The following VWA5B1 variants were observed in gnomAD, a reference collection of about 807,000 sequenced individuals.
The protein encoded by VWA5B1 is von Willebrand factor A domain containing 5B1.
Under a neutral mutation model 118.2 loss-of-function variants are expected in VWA5B1, and 115 were observed. The ratio of observed to expected loss-of-function variants is 0.97; its 90% CI spans 0.84 to 1.14. The LOEUF (loss-of-function observed/expected upper bound fraction) is 1.14. Among genes scored for constraint, VWA5B1 ranks in the 50% most tolerant of loss-of-function variants. The pLI is 0.00. For missense variants in VWA5B1, 1,596 were observed against 1,603.8 expected (o/e 1.00, Z 0.08); for synonymous variants, 682 against 658.4 (o/e 1.04, Z -0.55).
At chr1:20,349,212 C>T (rs1464417345) in intron 18 of VWA5B1, 2 of 448,414 alleles carry the variant, frequency 4.5e-6, no homozygotes, top group Admixed American at 4.7e-5. Context: ...GTTCTCTCAA[C>T]TTCTTGGTCC....
At chr1:20,349,775 G>T (rs2090088024) in intron 18 of VWA5B1, among the ~76,000 whole-genome samples, 1 of 148,588 alleles carries the variant, frequency 6.7e-6, no homozygotes. Flanking sequence ...CGTAGTCCAG[G>T]GCTTTACTAA....
chr1:20,311,861 G>T (rs956289520), intron 2 of VWA5B1, among the ~76,000 whole-genome samples: 1 of 152,172 alleles, frequency 6.6e-6, no homozygotes, highest in Non-Finnish European at 1.5e-5. Context: ...AGGGCAAATG[G>T]CCCTGTTCCT....
At chr1:20,292,955 A>T (rs2100790653) in intron 1 of VWA5B1, among the ~76,000 whole-genome samples, 1 of 152,278 alleles carries the variant, frequency 6.6e-6, no homozygotes, top group East Asian at 1.9e-4. Flanking sequence ...AGCTTCAGGG[A>T]TTAGGAAACT....
chr1:20,314,813 T>A (rs1487895502), intron 4 of VWA5B1, among the ~76,000 whole-genome samples: 1 of 151,878 alleles, frequency 6.6e-6, no homozygotes, highest in Admixed American at 6.6e-5. Context: ...CCAGAAGTTA[T>A]GAAATTTGGA....
At chr1:20,337,123 CTTTTA>C (rs918877292) in intron 13 of VWA5B1, among the ~76,000 whole-genome samples, 1 of 151,744 alleles carries the variant, frequency 6.6e-6, no homozygotes, top group African/African-American at 2.4e-5. Context: ...CACTTTGTAC[CTTTTA>C]TTTTATTTTT....
rs139220086 is a variant in VWA5B1 at position 20,330,225 on chromosome 1, G to A, written c.1300G>A (p.Asp434Asn). The change falls in exon 10 of 22, where the codon GAC (aspartate) becomes AAC (asparagine). Residue 434 changes from aspartate (D) to asparagine (N), a missense_variant. Asp to Asn is a conservative substitution (Grantham distance 23, BLOSUM62 1). Transcript: ENST00000289815. ...TGATGACATCCAGAGAATGAAGGCC[G>A]ACATGGGTGGGACCAACATCCTTTC... ...ACDDIQRMKADMGGTNILSPL... is the reference protein window; with the variant it reads ...ACDDIQRMKANMGGTNILSPL... The A allele has an allele frequency of 1.0e-3, 1,614 of 1,551,722 alleles. 7 individuals carry two copies. The African/African-American group carries it at 0.014, about 14-fold the overall frequency.
chr1:20,341,347 G>A (rs2089869956), intron 14 of VWA5B1, among the ~76,000 whole-genome samples: 1 of 152,216 alleles, frequency 6.6e-6, no homozygotes, highest in Admixed American at 6.5e-5. Flanking sequence ...CCAGACCAAA[G>A]GGGCTTGCGC....
chr1:20,314,953 T>C (rs1175064182), intron 4 of VWA5B1, among the ~76,000 whole-genome samples: 1 of 152,168 alleles, frequency 6.6e-6, no homozygotes, highest in Non-Finnish European at 1.5e-5. Context: ...AACCAACATG[T>C]TTCCTGACAT....
At chr1:20,338,059 C>G (rs1570186933) in intron 14 of VWA5B1, 1 of 690,772 alleles carries the variant, frequency 1.4e-6, no homozygotes, top group Non-Finnish European at 2.6e-6. Flanking sequence ...TGCACACACA[C>G]TGCCCAGTTG....
Position 20,343,252 on chromosome 1 carries a change from T to C in VWA5B1, c.2485T>C (p.Phe829Leu), listed in dbSNP as rs1257215764. The change falls in exon 16 of 22, where the codon TTC becomes CTC. Residue 829 changes from phenylalanine to leucine, a missense_variant. Transcript: ENST00000289815. Reference sequence around the variant, plus strand: ...CCAACGCCTGCAGTGGGAGGTGAGCTTCGAGCTGGGGACCCCTGGACCGGA... The same window carrying C: ...CCAACGCCTGCAGTGGGAGGTGAGCCTCGAGCTGGGGACCCCTGGACCGGA... ...DSQRLQWEVS[F>L]ELGTPGPERG... 4 of 1,548,808 alleles carry C rather than the reference T, an allele frequency of 2.6e-6. No individual in the cohort carries two copies. In the South Asian group the frequency reaches 4.8e-5, roughly 18 times the overall value.
intron 13 of VWA5B1, among the ~76,000 whole-genome samples, chr1:20,337,184 G>A (rs1164268676): frequency 1.7e-4 from 26 of 152,128 alleles, no homozygotes; most frequent in Admixed American, 1.6e-3. Context: ...CTGGAGTGCA[G>A]TGGTACGATC....
chr1:20,343,534 C>G, intron 16 of VWA5B1, 141 bp downstream of exon 16: 1 of 1,368,188 alleles, frequency 7.3e-7, no homozygotes, highest in Non-Finnish European at 9.6e-7. Flanking sequence ...CGGGTCCTAC[C>G]CCACCCCCTC....
At position 20,357,002 on chromosome 1, in the gene VWA5B1, T is replaced by C. The variant is rs2090241669; in HGVS notation, c.*2739T>C. Among the ~76,000 whole-genome samples, 1 of 152,230 alleles carries C rather than the reference T, an allele frequency of 6.6e-6. No homozygotes were observed. Among genetic ancestry groups the C allele is most frequent in the Non-Finnish European group, 1.5e-5 (1 of 68,036 alleles). On this transcript the variant is annotated 3_prime_UTR_variant, in exon 22 of 22. Coordinates refer to ENST00000289815, the MANE Select transcript of VWA5B1 (RefSeq NM_001039500.3). ...TAAAGTTTCTCAAGCAGGGAACACA[T>C]TGCCCCTGCAATCTCATTTACTTTG... is the stretch of plus-strand genomic sequence containing the variant.
In VWA5B1 at chr1:20,343,187, C is replaced by T. The variant is rs974196560; in HGVS notation, c.2420C>T (p.Pro807Leu). 4 of 1,549,582 alleles carry T rather than the reference C, an allele frequency of 2.6e-6. No homozygotes were observed. In the African/African-American group the frequency reaches 4.1e-5, roughly 16 times the overall value. Residue 807 changes from proline (P) to leucine (L), a missense_variant, in exon 16 of 22, where the codon CCG becomes CTG. Pro to Leu is a moderately conservative substitution (Grantham distance 98). Transcript: ENST00000289815. Reference sequence around the variant, plus strand: ...CCCAGCAGGCCCGCCACCCCGGCCCCGGTGCTGGGCAAGGCCCTGGTCAAA... The same window carrying T: ...CCCAGCAGGCCCGCCACCCCGGCCCTGGTGCTGGGCAAGGCCCTGGTCAAA... ...ASPSRPATPA[P>L]VLGKALVKGL...
In VWA5B1 at chr1:20,359,134, T is replaced by C. The variant is rs946992167; in HGVS notation, c.*4871T>C. Among the ~76,000 whole-genome samples the C allele has an allele frequency of 2.6e-5, 4 of 152,226 alleles. No individual in the cohort carries two copies. Among genetic ancestry groups the C allele is most frequent in the Non-Finnish European group, 4.4e-5 (3 of 68,042 alleles). ...ACGTCCCAACGCAATGCGCCTCATC[T>C]CAATGCCGCTGACTGTGGTGACACA... On this transcript the variant is annotated 3_prime_UTR_variant, in exon 22 of 22. Transcript: ENST00000289815.
intron 5 of VWA5B1, 74 bp downstream of exon 5, chr1:20,317,749 GGTGGGA>G: frequency 2.3e-6 from 3 of 1,288,626 alleles, no homozygotes; most frequent in Non-Finnish European, 3.2e-6. Context: ...ATGGGACGGG[GGTGGGA>G]AGGAAAGCCA....
At chr1:20,293,239 T>C (rs1421636870) in intron 1 of VWA5B1, among the ~76,000 whole-genome samples, 1 of 152,184 alleles carries the variant, frequency 6.6e-6, no homozygotes, top group African/African-American at 2.4e-5. Flanking sequence ...GTGCTTCCTC[T>C]GTCTCACTCA....
At chr1:20,341,143 T>A (rs1472738384) in intron 14 of VWA5B1, among the ~76,000 whole-genome samples, 2 of 152,268 alleles carry the variant, frequency 1.3e-5, no homozygotes, top group Non-Finnish European at 2.9e-5. Context: ...ATTTTCAATG[T>A]TGTGTGACGT....
intron 12 of VWA5B1, among the ~76,000 whole-genome samples, chr1:20,335,945 G>C (rs564204003): frequency 6.6e-6 from 1 of 152,258 alleles, no homozygotes; most frequent in South Asian, 2.1e-4. Context: ...TGTTGATCAA[G>C]GGTGAACTGT....
Sources: allele counts gnomAD v4.1 joint callset (sites outside exome capture counted in the v4.1 genomes callset), GRCh38; gene constraint gnomAD v4.1.1; transcripts MANE v1.5; gene names NCBI Gene and HGNC (gene_info 2026-07-23, HGNC 2026-07-21).